BTBD9: variants seen among roughly 807,000 people sequenced by gnomAD.
BTBD9 encodes BTB/POZ domain-containing protein 9.
A neutral mutation model predicts 64.3 loss-of-function variants in BTBD9; 49 were observed. The observed-to-expected ratio is 0.76, with a 90% confidence interval of 0.61 to 0.97. The LOEUF (loss-of-function observed/expected upper bound fraction) is 0.97. Among genes scored for constraint, BTBD9 ranks in the 50% least tolerant of loss-of-function variants. BTBD9 has a pLI of 0.00. For missense variants in BTBD9, 598 were observed against 762.1 expected (o/e 0.78, Z 2.53); for synonymous variants, 260 against 274.7 (o/e 0.95, Z 0.53).
At chr6:38,366,410 T>A (rs1765184704) in intron 6 of BTBD9, among the ~76,000 whole-genome samples, 1 of 152,102 alleles carries the variant, frequency 6.6e-6, no homozygotes, top group Non-Finnish European at 1.5e-5. Context: ...AAGAAACCAC[T>A]CCATTTCCCC....
chr6:38,511,009 A>G (rs1397593005), intron 6 of BTBD9, among the ~76,000 whole-genome samples: 1 of 152,220 alleles, frequency 6.6e-6, no homozygotes, highest in East Asian at 1.9e-4. Context: ...ACTTTTATAT[A>G]TAGGGTTGCT....
intron 6 of BTBD9, among the ~76,000 whole-genome samples, chr6:38,355,802 G>C (rs1764705555): frequency 6.6e-6 from 1 of 152,128 alleles, no homozygotes; most frequent in Non-Finnish European, 1.5e-5. Flanking sequence ...CCTGCACACT[G>C]TATCTCACAC....
chr6:38,619,695 T>G (rs1777922134), intron 1 of BTBD9, among the ~76,000 whole-genome samples: 1 of 152,176 alleles, frequency 6.6e-6, no homozygotes, highest in Non-Finnish European at 1.5e-5. Context: ...ATTGACTGTC[T>G]CCTGGACACT....
intron 9 of BTBD9, among the ~76,000 whole-genome samples, chr6:38,237,641 T>C (rs940972767): frequency 3.3e-5 from 5 of 152,172 alleles, no homozygotes; most frequent in Non-Finnish European, 7.4e-5. Context: ...AATGAATGAA[T>C]AGATAATGCC....
At chr6:38,292,556 G>T (rs1762001953) in intron 7 of BTBD9, among the ~76,000 whole-genome samples, 1 of 152,138 alleles carries the variant, frequency 6.6e-6, no homozygotes, top group Admixed American at 6.5e-5. Context: ...GAGGGTGTAT[G>T]TGTCCAGGAA....
intron 6 of BTBD9, among the ~76,000 whole-genome samples, chr6:38,413,758 AC>A (rs1767543248): frequency 6.6e-6 from 1 of 152,164 alleles, no homozygotes; most frequent in East Asian, 1.9e-4. Context: ...TCACACAACT[AC>A]TATTTTTTTT....
intron 6 of BTBD9, among the ~76,000 whole-genome samples, chr6:38,397,641 G>T (rs976620061): frequency 6.6e-6 from 1 of 152,222 alleles, no homozygotes; most frequent in African/African-American, 2.4e-5. Flanking sequence ...AGATGAAGAC[G>T]TGTTATTAAC....
At chr6:38,384,123 G>A (rs928916325) in intron 6 of BTBD9, among the ~76,000 whole-genome samples, 1 of 152,162 alleles carries the variant, frequency 6.6e-6, no homozygotes, top group Non-Finnish European at 1.5e-5. Context: ...CAAGCTGAGT[G>A]CAAAATTGGA....
chr6:38,378,761 C>A (rs189453090), intron 6 of BTBD9, among the ~76,000 whole-genome samples: 115 of 151,240 alleles, frequency 7.6e-4, no homozygotes, highest in Admixed American at 1.9e-3. Context: ...GTAATCTCAG[C>A]TACTCGGGAG....
intron 1 of BTBD9, among the ~76,000 whole-genome samples, chr6:38,600,128 C>T (rs1035791816): frequency 6.6e-6 from 1 of 152,162 alleles, no homozygotes; most frequent in Admixed American, 6.5e-5. Context: ...GTACACACAA[C>T]AACTGTGTAA....
chr6:38,609,078 T>C (rs989052236), intron 1 of BTBD9, among the ~76,000 whole-genome samples: 4 of 152,120 alleles, frequency 2.6e-5, no homozygotes, highest in African/African-American at 9.7e-5. Context: ...AAATCTACAG[T>C]GTGTATGTAA....
At chr6:38,367,984 T>C (rs1267597451) in intron 6 of BTBD9, among the ~76,000 whole-genome samples, 4 of 152,142 alleles carry the variant, frequency 2.6e-5, no homozygotes, top group Non-Finnish European at 1.5e-5. Flanking sequence ...AGGTGTGCTA[T>C]AGCAATAGTG....
intron 6 of BTBD9, among the ~76,000 whole-genome samples, chr6:38,485,437 T>C (rs1459561954): frequency 6.6e-6 from 1 of 152,224 alleles, no homozygotes; most frequent in African/African-American, 2.4e-5. Flanking sequence ...ATTTCGTAAA[T>C]AAGACTGGAA....
At chr6:38,417,796 G>A (rs1446312828) in intron 6 of BTBD9, among the ~76,000 whole-genome samples, 11 of 103,492 alleles carry the variant, frequency 1.1e-4, no homozygotes, top group Admixed American at 6.9e-4. Flanking sequence ...GAGAGAGAGA[G>A]AGAGAAAAAA....
chr6:38,271,847 G>C (rs1462961401), intron 8 of BTBD9, among the ~76,000 whole-genome samples: 1 of 152,050 alleles, frequency 6.6e-6, no homozygotes, highest in South Asian at 2.1e-4. Flanking sequence ...ATTCTACATG[G>C]AGCTTTTAGA....
chr6:38,588,949 T>C (rs1312045007), intron 4 of BTBD9, among the ~76,000 whole-genome samples: 2 of 152,244 alleles, frequency 1.3e-5, no homozygotes, highest in African/African-American at 2.4e-5. Flanking sequence ...GATGATTGAA[T>C]TAAAAAAACC....
At chr6:38,620,360 C>A (rs1188920811) in intron 1 of BTBD9, among the ~76,000 whole-genome samples, 1 of 152,208 alleles carries the variant, frequency 6.6e-6, no homozygotes, top group Non-Finnish European at 1.5e-5. Context: ...CATTCCCCTG[C>A]ACTCTGTCTG....
At chr6:38,177,685 A>G (rs1046022771) in intron 10 of BTBD9, among the ~76,000 whole-genome samples, 10 of 152,024 alleles carry the variant, frequency 6.6e-5, no homozygotes, top group African/African-American at 2.4e-4. Context: ...ACATTCCACG[A>G]CCCGACCTGT....
chr6:38,178,969 C>T (rs1224963325), intron 10 of BTBD9, among the ~76,000 whole-genome samples: 4 of 152,140 alleles, frequency 2.6e-5, no homozygotes, highest in African/African-American at 9.7e-5. Flanking sequence ...TCTCCTGCCT[C>T]AGCCTCCTAA....
Sources: gnomAD v4.1 joint callset for allele counts (sites outside exome capture counted in the v4.1 genomes callset) on GRCh38, gnomAD v4.1.1 for gene constraint, MANE v1.5 for transcripts, NCBI Gene and HGNC (gene_info 2026-07-23, HGNC 2026-07-21) for gene names.